Variants in SMCHD1 observed in about 807,000 individuals in gnomAD.
SMCHD1 encodes the protein structural maintenance of chromosomes flexible hinge domain-containing protein 1.
Under a neutral mutation model 254.7 loss-of-function variants are expected in SMCHD1, and 78 were observed. The ratio of observed to expected loss-of-function variants is 0.31; its 90% CI spans 0.26 to 0.37. The LOEUF (loss-of-function observed/expected upper bound fraction) is 0.37. Among genes scored for constraint, SMCHD1 ranks in the 10% least tolerant of loss-of-function variants. The pLI is 1.00. For missense variants in SMCHD1, 1,840 were observed against 2,408.1 expected, an observed-to-expected ratio of 0.76 and a Z score of 4.94; for synonymous variants, 766 against 794.9, an observed-to-expected ratio of 0.96 and a Z score of 0.61.
chr18:2,737,038 A>G (rs1229790735), intron 25 of SMCHD1, among the ~76,000 whole-genome samples: 1 of 152,256 alleles, frequency 6.6e-6, no homozygotes, highest in Non-Finnish European at 1.5e-5. Flanking sequence ...AATACTACAC[A>G]GCCATAAAAA....
intron 17 of SMCHD1, among the ~76,000 whole-genome samples, chr18:2,708,488 G>A (rs999744174): frequency 2.6e-5 from 4 of 151,956 alleles, no homozygotes; most frequent in Admixed American, 6.6e-5. Flanking sequence ...CTATGATCAC[G>A]CCACTGCACT....
chr18:2,693,960 A>G (rs568852271), intron 7 of SMCHD1, among the ~76,000 whole-genome samples: 7 of 152,190 alleles, frequency 4.6e-5, no homozygotes, highest in Non-Finnish European at 1.0e-4. Flanking sequence ...GATTCATACT[A>G]CAGATGGAGA....
intron 44 of SMCHD1, among the ~76,000 whole-genome samples, chr18:2,781,035 G>A (rs1427726141): frequency 1.3e-5 from 2 of 152,200 alleles, no homozygotes; most frequent in East Asian, 3.8e-4. Flanking sequence ...CAGTGAGAAC[G>A]TTTGCCAAAC....
At position 2,679,051 on chromosome 18, in the gene SMCHD1, T is replaced by C. The variant is rs922222289; in HGVS notation, c.638+4906T>C. Among the ~76,000 whole-genome samples, 79 of 151,130 alleles carry C rather than the reference T, an allele frequency of 5.2e-4. 1 individual carries two copies. Among genetic ancestry groups the C allele is most frequent in the Non-Finnish European group, 1.0e-3 (71 of 67,762 alleles). ...TTAGTAGAGTCGAGGTTTCGCCATA[T>C]TGGCCAGGCTGGTCTTGAACTCTTG... On this transcript the variant is annotated intron_variant, in intron 5 of 47. Transcript: ENST00000320876.
intron 19 of SMCHD1, among the ~76,000 whole-genome samples, chr18:2,722,229 G>A (rs909330201): frequency 6.6e-6 from 1 of 152,134 alleles, no homozygotes; most frequent in Non-Finnish European, 1.5e-5. Context: ...CTGGAGCTCA[G>A]GTGTTCAAGA....
chr18:2,734,899 C>A (rs573203595), intron 25 of SMCHD1, among the ~76,000 whole-genome samples: 1 of 151,968 alleles, frequency 6.6e-6, no homozygotes, highest in Admixed American at 6.6e-5. Flanking sequence ...GAAACCCCAT[C>A]TCTACTAGAA....
At chr18:2,747,397 G>C (rs2075475559) in intron 29 of SMCHD1, 125 bp from the exon 30 acceptor site, 1 of 788,440 alleles carries the variant, frequency 1.3e-6, no homozygotes, top group East Asian at 3.2e-5. Context: ...CATTTTCATT[G>C]ACCAAAGAAG....
chr18:2,734,067 C>T (rs1275155488), intron 25 of SMCHD1, among the ~76,000 whole-genome samples: 4 of 152,148 alleles, frequency 2.6e-5, no homozygotes, highest in African/African-American at 9.7e-5. Context: ...TATTTAGCCA[C>T]GGGTTCAACT....
At chr18:2,761,246 C>T (rs565281295) in intron 35 of SMCHD1, among the ~76,000 whole-genome samples, 6 of 152,106 alleles carry the variant, frequency 3.9e-5, no homozygotes, top group Non-Finnish European at 5.9e-5. Flanking sequence ...GAACAGTAAA[C>T]GCTGGGGATT....
chr18:2,797,763 A>G (rs1026752864), intron 47 of SMCHD1, among the ~76,000 whole-genome samples: 5 of 152,154 alleles, frequency 3.3e-5, no homozygotes, highest in Non-Finnish European at 5.9e-5. Flanking sequence ...TGTCTCTACT[A>G]AAAATAAGCC....
intron 25 of SMCHD1, among the ~76,000 whole-genome samples, chr18:2,737,274 A>G (rs1450200049): frequency 1.3e-5 from 2 of 152,238 alleles, no homozygotes; most frequent in Non-Finnish European, 2.9e-5. Flanking sequence ...CCTGTTGGGT[A>G]CTATGCTCAT....
intron 3 of SMCHD1, among the ~76,000 whole-genome samples, chr18:2,667,414 T>G (rs1269485025): frequency 1.3e-5 from 2 of 152,224 alleles, no homozygotes; most frequent in Non-Finnish European, 2.9e-5. Flanking sequence ...GTAAGAAGTT[T>G]GTGTTCATAT....
chr18:2,704,487 T>G (rs2074471154), intron 13 of SMCHD1, among the ~76,000 whole-genome samples: 1 of 152,124 alleles, frequency 6.6e-6, no homozygotes, highest in South Asian at 2.1e-4. Context: ...CTTGGTGATA[T>G]TATATCCTAG....
chr18:2,700,711 A>G, intron 11 of SMCHD1, 24 bp from the exon 12 acceptor site: 2 of 1,605,866 alleles, frequency 1.2e-6, no homozygotes, highest in Non-Finnish European at 1.7e-6. Context: ...TTCTTTTACT[A>G]ACTAACATTT....
At chr18:2,785,584 G>A (rs1286600558) in intron 45 of SMCHD1, among the ~76,000 whole-genome samples, 1 of 144,020 alleles carries the variant, frequency 6.9e-6, no homozygotes, top group East Asian at 2.0e-4. Flanking sequence ...CCCAGGAGGT[G>A]GAGGTTACAG....
At chr18:2,732,596 T>A in intron 25 of SMCHD1, 104 bp downstream of exon 25, 1 of 702,636 alleles carries the variant, frequency 1.4e-6, no homozygotes, top group South Asian at 2.1e-5. Context: ...AAGAAGCTTG[T>A]CACAGAAAAG....
Position 2,750,337 on chromosome 18 carries a change from T to C in SMCHD1, c.4008-13T>C. 3.8e-6 allele frequency: 6 copies of C among 1,594,016 alleles called. No individual in the cohort carries two copies. Among genetic ancestry groups the C allele is most frequent in the Non-Finnish European group, 3.4e-6 (4 of 1,172,350 alleles). On this transcript the variant is annotated splice_polypyrimidine_tract_variant and intron_variant, in intron 31 of 47. Coordinates refer to ENST00000320876, the MANE Select transcript of SMCHD1 (RefSeq NM_015295.3). ...AATGTAATTTGAACCCCTCTCCTCT[T>C]TTGTTTTGTTAGGGGAGAGCATACT...
At chr18:2,746,865 TA>T (rs1232687161) in intron 29 of SMCHD1, among the ~76,000 whole-genome samples, 1 of 152,194 alleles carries the variant, frequency 6.6e-6, no homozygotes. Flanking sequence ...TGCCCAATAT[TA>T]ATAGGTCAGT....
intron 17 of SMCHD1, among the ~76,000 whole-genome samples, chr18:2,708,914 TTA>T (rs1568199409): frequency 2.5e-4 from 13 of 51,580 alleles, no homozygotes; most frequent in South Asian, 8.5e-4. Context: ...ATATAACATA[TTA>T]ACATGAAATT....
Sources: gnomAD v4.1 joint callset for allele counts (sites outside exome capture counted in the v4.1 genomes callset) on GRCh38, gnomAD v4.1.1 for gene constraint, MANE v1.5 for transcripts, NCBI Gene and HGNC (gene_info 2026-07-23, HGNC 2026-07-21) for gene names.